The following ATF7IP2 variants were observed in gnomAD, a reference collection of about 807,000 sequenced individuals.
The protein encoded by ATF7IP2 is activating transcription factor 7-interacting protein 2.
Under a neutral mutation model 64.2 loss-of-function variants are expected in ATF7IP2, and 42 were observed. The ratio of observed to expected loss-of-function variants is 0.65; its 90% CI spans 0.51 to 0.85. ATF7IP2 has a LOEUF of 0.85. Among genes scored for constraint, ATF7IP2 ranks in the 40% least tolerant of loss-of-function variants. ATF7IP2 has a pLI of 0.00. For missense variants in ATF7IP2, 933 were observed against 784.2 expected (o/e 1.19, Z -2.27); for synonymous variants, 308 against 272.8 (o/e 1.13, Z -1.27).
chr16:10,458,401 A>AT (rs1402567832), intron 9 of ATF7IP2, among the ~76,000 whole-genome samples: 1 of 152,238 alleles, frequency 6.6e-6, no homozygotes, highest in Non-Finnish European at 1.5e-5. Flanking sequence ...GATGGAAGTG[A>AT]AAAAGACACC....
At chr16:10,462,714 C>A (rs547329834) in intron 9 of ATF7IP2, among the ~76,000 whole-genome samples, 1 of 152,004 alleles carries the variant, frequency 6.6e-6, no homozygotes, top group African/African-American at 2.4e-5. Context: ...GGGCTTGTGG[C>A]CCTTCTTGAA....
intron 1 of ATF7IP2, among the ~76,000 whole-genome samples, chr16:10,398,804 C>T (rs2047471092): frequency 6.6e-6 from 1 of 152,080 alleles, no homozygotes; most frequent in South Asian, 2.1e-4. Flanking sequence ...TATAGAATTT[C>T]ATTTAGTGAA....
chr16:10,410,423 C>T (rs576491520), intron 1 of ATF7IP2, among the ~76,000 whole-genome samples: 97 of 152,104 alleles, frequency 6.4e-4, no homozygotes, highest in Non-Finnish European at 1.2e-3. Flanking sequence ...CTGGACGTTT[C>T]TCAGCTTGGT....
rs754878659 is a variant in ATF7IP2 at position 10,482,274 on chromosome 16, C to G, written c.*25C>G. On this transcript the variant is annotated 3_prime_UTR_variant, in exon 14 of 14. Coordinates refer to ENST00000562102, the MANE Select transcript of ATF7IP2 (RefSeq NM_001393719.1). The stretch of plus-strand genomic sequence containing the variant: ...AAAGGTGTTTAATAATGATATACTA[C>G]TTTTTTTTTCATATTTGTTTGTTTG... The G allele has an allele frequency of 3.1e-5, 45 of 1,461,084 alleles. No individual in the cohort carries two copies. The Middle Eastern group carries it at 1.3e-3, about 42-fold the overall frequency. The allele number at this position is 1,461,084 out of a possible 1,614,324, so 90.5% of individuals were successfully genotyped here. A position where few individuals can be genotyped will look rare whatever the true frequency, so the allele number is the denominator to read the frequency against.
At chr16:10,431,602 T>C (rs907495585) in intron 5 of ATF7IP2, 147 bp downstream of exon 5, 2 of 571,038 alleles carry the variant, frequency 3.5e-6, no homozygotes, top group Admixed American at 6.5e-5. Flanking sequence ...TCTGAACCAT[T>C]CTTAGTGAGG....
At chr16:10,457,157 A>C (rs911262654) in intron 8 of ATF7IP2, among the ~76,000 whole-genome samples, 5 of 152,232 alleles carry the variant, frequency 3.3e-5, no homozygotes, top group African/African-American at 1.2e-4. Flanking sequence ...CAAGCTAGGA[A>C]GTTGATGTAT....
At chr16:10,461,817 GC>G (rs745509594) in intron 9 of ATF7IP2, among the ~76,000 whole-genome samples, 3 of 152,110 alleles carry the variant, frequency 2.0e-5, no homozygotes, top group Non-Finnish European at 2.9e-5. Context: ...ATGGGCACTG[GC>G]ATTGTATTTA....
intron 6 of ATF7IP2, among the ~76,000 whole-genome samples, chr16:10,435,041 T>G (rs2048375365): frequency 6.6e-6 from 1 of 152,204 alleles, no homozygotes; most frequent in African/African-American, 2.4e-5. Context: ...GTGCTGGGAT[T>G]ACAGGTGTGA....
intron 9 of ATF7IP2, among the ~76,000 whole-genome samples, chr16:10,460,112 G>A (rs773317222): frequency 3.3e-5 from 5 of 151,972 alleles, no homozygotes; most frequent in South Asian, 2.1e-4. Context: ...GAAATCTTTC[G>A]TATTCCTGTT....
chr16:10,475,787 A>G (rs1342013755), intron 12 of ATF7IP2, among the ~76,000 whole-genome samples: 3 of 151,892 alleles, frequency 2.0e-5, no homozygotes, highest in Non-Finnish European at 2.9e-5. Context: ...AAAAGGCAAA[A>G]TGATCAATTT....
intron 1 of ATF7IP2, among the ~76,000 whole-genome samples, chr16:10,388,481 G>A (rs1456076709): frequency 6.6e-6 from 1 of 152,140 alleles, no homozygotes; most frequent in South Asian, 2.1e-4. Flanking sequence ...TACCTCTGAG[G>A]CTCTAGTGTG....
In ATF7IP2 at chr16:10,425,470, CAATAATGTA is replaced by C. The variant is rs554799729; in HGVS notation, c.-159-3385_-159-3377del. On this transcript the variant is annotated intron_variant, in intron 3 of 13. Coordinates refer to ENST00000562102, the MANE Select transcript of ATF7IP2 (RefSeq NM_001393719.1). ...ACCTTAATATTAAATAATATAGAAG[CAATAATGTA>C]AATAATGTAAATTAAGGCTTTAATA... 2.3e-3 allele frequency among the ~76,000 whole-genome samples: 353 copies of C among 151,484 alleles called. 1 individual carries two copies. The highest frequency in any genetic ancestry group is 3.7e-3 in the Non-Finnish European group (251 of 67,860).
intron 2 of ATF7IP2, among the ~76,000 whole-genome samples, chr16:10,414,870 C>T (rs982978399): frequency 6.6e-5 from 10 of 152,174 alleles, no homozygotes; most frequent in African/African-American, 2.4e-4. Context: ...GAGAGCTGAG[C>T]TGTAGTGATT....
chr16:10,444,790 C>G (rs1293492379), intron 8 of ATF7IP2, among the ~76,000 whole-genome samples: 3 of 152,144 alleles, frequency 2.0e-5, no homozygotes, highest in Non-Finnish European at 4.4e-5. Flanking sequence ...AGCCCTTTAA[C>G]AATATTTGCA....
chr16:10,389,165 G>A (rs2047270663), intron 1 of ATF7IP2, among the ~76,000 whole-genome samples: 1 of 152,156 alleles, frequency 6.6e-6, no homozygotes. Context: ...AATTTGGAAA[G>A]TGAAGGTTAG....
At chr16:10,428,203 C>G (rs2048129609) in intron 3 of ATF7IP2, among the ~76,000 whole-genome samples, 1 of 152,142 alleles carries the variant, frequency 6.6e-6, no homozygotes, top group Non-Finnish European at 1.5e-5. Context: ...ATGCAGGTTA[C>G]TGATAGTATT....
At chr16:10,387,933 C>T (rs1008517263) in intron 1 of ATF7IP2, among the ~76,000 whole-genome samples, 7 of 146,726 alleles carry the variant, frequency 4.8e-5, no homozygotes, top group African/African-American at 1.8e-4. Flanking sequence ...GGCAGAGATT[C>T]GCTCTTTGGC....
intron 8 of ATF7IP2, 104 bp downstream of exon 8, chr16:10,440,566 G>C: frequency 1.4e-6 from 1 of 695,202 alleles, no homozygotes; most frequent in South Asian, 2.0e-5. Context: ...AGGTGTAAAG[G>C]TAAGTAAGTT....
rs149398678 is a variant in ATF7IP2, at chr16:10,477,012, T to C, written c.1549+3023T>C. On this transcript the variant is annotated intron_variant, in intron 12 of 13. Coordinates refer to ENST00000562102, the MANE Select transcript of ATF7IP2 (RefSeq NM_001393719.1). ...AATGATTAATATTCCTTTGGGTAAATACCCAGTAATGAGACTGCTAGGCCA... is the reference window on the plus strand; with the variant it reads ...AATGATTAATATTCCTTTGGGTAAACACCCAGTAATGAGACTGCTAGGCCA... 2.0e-3 allele frequency among the ~76,000 whole-genome samples: 305 copies of C among 152,302 alleles called. 2 individuals carry two copies. The highest frequency in any genetic ancestry group is 7.1e-3 in the African/African-American group (295 of 41,556).
Sources: allele counts gnomAD v4.1 joint callset (sites outside exome capture counted in the v4.1 genomes callset), GRCh38; gene constraint gnomAD v4.1.1; transcripts MANE v1.5; gene names NCBI Gene and HGNC (gene_info 2026-07-23, HGNC 2026-07-21).